The following TRIM51G variants were observed in gnomAD, a reference collection of about 807,000 sequenced individuals.
TRIM51G encodes tripartite motif-containing 51G.
chr11:48,982,956 C>CATATAT, the TRIM51G span, among the ~76,000 whole-genome samples: 5 of 33,046 alleles, frequency 1.5e-4, no homozygotes, highest in African/African-American at 5.1e-4. Flanking sequence ...GGTATATATA[C>CATATAT]ATATATATAT....
At chr11:48,981,862 G>C in the TRIM51G span, among the ~76,000 whole-genome samples, 1 of 152,142 alleles carries the variant, frequency 6.6e-6, no homozygotes, top group Non-Finnish European at 1.5e-5. Flanking sequence ...CACAAAGAGA[G>C]TCTTAAGGCT....
At chr11:48,975,687 A>C in the TRIM51G span, 1 of 1,499,784 alleles carries the variant, frequency 6.7e-7, no homozygotes, top group South Asian at 1.1e-5. Flanking sequence ...TGGTAAAGAG[A>C]CTGCAGTGAG....
At chr11:48,978,554 A>G in the TRIM51G span, among the ~76,000 whole-genome samples, 6 of 152,192 alleles carry the variant, frequency 3.9e-5, no homozygotes, top group African/African-American at 1.4e-4. Context: ...CTAAATGCCA[A>G]TGAATCACTT....
At chr11:48,981,216 C>G in the TRIM51G span, 1 of 1,585,314 alleles carries the variant, frequency 6.3e-7, no homozygotes, top group African/African-American at 1.3e-5. Flanking sequence ...CATCCAATCT[C>G]GAAGGAAATA....
At chr11:48,977,461 T>C in the TRIM51G span, among the ~76,000 whole-genome samples, 1 of 152,170 alleles carries the variant, frequency 6.6e-6, no homozygotes, top group South Asian at 2.1e-4. Context: ...TATTCAAAAA[T>C]GAAATTCTGG....
the TRIM51G span, chr11:48,981,174 C>G: frequency 6.7e-7 from 1 of 1,499,514 alleles, no homozygotes; most frequent in Non-Finnish European, 9.1e-7. Context: ...AAGCTCATAA[C>G]AGACATGTTT....
At chr11:48,983,816 T>C in the TRIM51G span, among the ~76,000 whole-genome samples, 2 of 152,082 alleles carry the variant, frequency 1.3e-5, no homozygotes, top group African/African-American at 4.8e-5. Context: ...GATCAGGAGT[T>C]CATTCCCTGC....
At chr11:48,982,578 C>A in the TRIM51G span, among the ~76,000 whole-genome samples, 2 of 151,916 alleles carry the variant, frequency 1.3e-5, no homozygotes, top group African/African-American at 2.4e-5. Context: ...AGATAAAGGG[C>A]AGAGAGAAGG....
the TRIM51G span, among the ~76,000 whole-genome samples, chr11:48,979,792 C>T: frequency 6.3e-5 from 2 of 31,536 alleles, no homozygotes; most frequent in African/African-American, 9.5e-5. Flanking sequence ...ATATATTCCT[C>T]ATATATATCC....
the TRIM51G span, among the ~76,000 whole-genome samples, chr11:48,983,395 C>CACA: frequency 1.8e-3 from 276 of 151,834 alleles, 1 homozygote; most frequent in Non-Finnish European, 3.3e-3. Context: ...GTTATGAAAG[C>CACA]ACATTTACAG....
the TRIM51G span, among the ~76,000 whole-genome samples, chr11:48,977,415 A>G: frequency 1.4e-4 from 22 of 152,146 alleles, no homozygotes; most frequent in Admixed American, 1.4e-3. Flanking sequence ...TATTGCTCCA[A>G]ATTAGTAAGG....
the TRIM51G span, chr11:48,976,956 G>C: frequency 1.8e-6 from 1 of 559,840 alleles, no homozygotes; most frequent in Non-Finnish European, 3.3e-6. Flanking sequence ...ATATAAAAGT[G>C]TTGTATCGTC....
At chr11:48,982,778 A>G in the TRIM51G span, among the ~76,000 whole-genome samples, 1 of 145,120 alleles carries the variant, frequency 6.9e-6, no homozygotes, top group Non-Finnish European at 1.5e-5. Flanking sequence ...GATCCGAGGG[A>G]CGCATTAGAC....
chr11:48,978,271 C>T, the TRIM51G span: 2 of 456,918 alleles, frequency 4.4e-6, no homozygotes, highest in Non-Finnish European at 8.9e-6. Flanking sequence ...ACAGTGTTCC[C>T]TCCTGGAAAG....
chr11:48,979,918 T>G, the TRIM51G span, among the ~76,000 whole-genome samples: 12 of 151,912 alleles, frequency 7.9e-5, no homozygotes, highest in Admixed American at 4.0e-4. Context: ...ATCAAGGTTT[T>G]GCTTCTCTGT....
the TRIM51G span, among the ~76,000 whole-genome samples, chr11:48,978,537 A>G: frequency 6.6e-6 from 1 of 152,152 alleles, no homozygotes; most frequent in Non-Finnish European, 1.5e-5. Context: ...CATGTCTCCA[A>G]ATTAGCCTAA....
the TRIM51G span, among the ~76,000 whole-genome samples, chr11:48,978,515 T>A: frequency 1.3e-5 from 2 of 152,110 alleles, no homozygotes; most frequent in Non-Finnish European, 2.9e-5. Context: ...TTCCCCAACT[T>A]CTCCATCATG....
At chr11:48,975,960 A>G in the TRIM51G span, 2 of 716,440 alleles carry the variant, frequency 2.8e-6, no homozygotes, top group Non-Finnish European at 5.2e-6. Context: ...GCAGGAAGAT[A>G]TGACTACTGG....
chr11:48,976,410 T>C, the TRIM51G span, among the ~76,000 whole-genome samples: 2 of 152,156 alleles, frequency 1.3e-5, no homozygotes, highest in Non-Finnish European at 2.9e-5. Flanking sequence ...AGCACTGCTC[T>C]AGATAACTGG....
Sources: allele counts gnomAD v4.1 joint callset (sites outside exome capture counted in the v4.1 genomes callset), GRCh38; gene constraint gnomAD v4.1.1; transcripts MANE v1.5; gene names NCBI Gene and HGNC (gene_info 2026-07-23, HGNC 2026-07-21).